CERS6: variants seen among roughly 807,000 people sequenced by gnomAD.
CERS6 encodes ceramide synthase 6.
In CERS6, 26 loss-of-function variants were observed where a neutral mutation model predicts 56.8. The observed-to-expected ratio is 0.46, with a 90% CI of 0.34 to 0.63. The LOEUF (loss-of-function observed/expected upper bound fraction) is 0.63, where lower values mean the gene tolerates loss of function less well. CERS6 is among the 30% of genes least tolerant of loss of function. The pLI is 0.01. For missense variants in CERS6, 415 were observed against 467.5 expected, an observed-to-expected ratio of 0.89 and a Z score of 1.04; for synonymous variants, 164 against 173.3, an observed-to-expected ratio of 0.95 and a Z score of 0.42.
intron 4 of CERS6, among the ~76,000 whole-genome samples, chr2:168,680,220 C>A (rs1686176435): frequency 6.6e-6 from 1 of 152,106 alleles, no homozygotes; most frequent in Admixed American, 6.6e-5. Flanking sequence ...CTGGGGAGAG[C>A]AGGGGATGCT....
At chr2:168,724,228 C>T (rs1161896968) in intron 8 of CERS6, among the ~76,000 whole-genome samples, 2 of 151,310 alleles carry the variant, frequency 1.3e-5, no homozygotes, top group African/African-American at 4.9e-5. Context: ...TAAGACGGTG[C>T]GTCTGGAGTT....
intron 8 of CERS6, among the ~76,000 whole-genome samples, chr2:168,746,807 ATATATATATATAT>A (rs1684115787): frequency 3.4e-5 from 4 of 116,256 alleles, no homozygotes; most frequent in African/African-American, 1.0e-4. Flanking sequence ...ATATATATAT[ATATATATATATAT>A]AAAATCATCT....
At chr2:168,640,390 A>G (rs1242985019) in intron 4 of CERS6, among the ~76,000 whole-genome samples, 1 of 152,220 alleles carries the variant, frequency 6.6e-6, no homozygotes, top group Non-Finnish European at 1.5e-5. Flanking sequence ...GGCTATTTCC[A>G]AAGAGCTTCT....
chr2:168,591,396 TA>T (rs1683667168), intron 3 of CERS6, among the ~76,000 whole-genome samples: 1 of 152,226 alleles, frequency 6.6e-6, no homozygotes, highest in Non-Finnish European at 1.5e-5. Flanking sequence ...GAGAGTTTGA[TA>T]GCCAAATTGA....
At chr2:168,494,074 G>A (rs1301761778) in intron 1 of CERS6, among the ~76,000 whole-genome samples, 3 of 152,082 alleles carry the variant, frequency 2.0e-5, no homozygotes, top group Non-Finnish European at 4.4e-5. Context: ...AGGAGGAATC[G>A]TCGAGGGCTC....
intron 3 of CERS6, among the ~76,000 whole-genome samples, chr2:168,565,134 C>G (rs1156764093): frequency 2.0e-5 from 3 of 151,976 alleles, no homozygotes; most frequent in Admixed American, 6.6e-5. Context: ...AATGGGATGG[C>G]AAAGGAGAAC....
Position 168,490,972 on chromosome 2 carries a change from T to C in CERS6, c.170+34354T>C, listed in dbSNP as rs937830064. 3.3e-5 allele frequency among the ~76,000 whole-genome samples: 5 copies of C among 152,302 alleles called. 1 individual carries two copies. In the South Asian group the frequency reaches 1.0e-3, roughly 32 times the overall value. On this transcript the variant is annotated intron_variant, in intron 1 of 9. Coordinates refer to ENST00000305747, the MANE Select transcript of CERS6 (RefSeq NM_203463.3). Reference sequence around the variant, plus strand: ...CTTCTTTTCACTGTTTTGTGAGATGTACTTTGTATTCATACTTTGGGGAGG... The same window carrying C: ...CTTCTTTTCACTGTTTTGTGAGATGCACTTTGTATTCATACTTTGGGGAGG...
intron 3 of CERS6, among the ~76,000 whole-genome samples, chr2:168,597,098 C>T (rs1463593168): frequency 2.0e-5 from 3 of 152,174 alleles, no homozygotes; most frequent in East Asian, 3.9e-4. Flanking sequence ...TTAGCTTTGT[C>T]GTGTCAGGCC....
chr2:168,768,860 G>A (rs1471150040), intron 9 of CERS6, among the ~76,000 whole-genome samples: 6 of 138,986 alleles, frequency 4.3e-5, no homozygotes, highest in South Asian at 2.2e-4. Flanking sequence ...GAGTTGGATC[G>A]CACCAGTGCA....
chr2:168,691,015 T>A lies in CERS6; in HGVS notation c.466-19T>A. 1 of 1,609,184 alleles carries A rather than the reference T, an allele frequency of 6.2e-7. No homozygotes were observed. The highest frequency in any genetic ancestry group is 8.5e-7 in the Non-Finnish European group (1 of 1,175,718). ...CCATGTTCTAAAATATGTAAAATAT[T>A]TTTTGTCATTTTTTTCAGACCCCCT... On this transcript the variant is annotated intron_variant, in intron 4 of 9. Coordinates refer to ENST00000305747, the MANE Select transcript of CERS6 (RefSeq NM_203463.3).
At chr2:168,493,648 G>T (rs1466372922) in intron 1 of CERS6, among the ~76,000 whole-genome samples, 1 of 152,072 alleles carries the variant, frequency 6.6e-6, no homozygotes. Flanking sequence ...AACCATGATA[G>T]GAATCAATTT....
chr2:168,758,906 G>A (rs570609316), intron 8 of CERS6, among the ~76,000 whole-genome samples: 5 of 152,072 alleles, frequency 3.3e-5, no homozygotes, highest in East Asian at 1.9e-4. Flanking sequence ...GAATCGGTAC[G>A]GCCTTAAGTA....
chr2:168,603,107 T>C (rs1444536363), intron 3 of CERS6, among the ~76,000 whole-genome samples: 3 of 152,266 alleles, frequency 2.0e-5, no homozygotes, highest in Admixed American at 6.5e-5. Context: ...ATTACTCAGT[T>C]GCTGCTCCTT....
intron 3 of CERS6, among the ~76,000 whole-genome samples, chr2:168,567,018 G>A (rs1695896508): frequency 6.6e-6 from 1 of 152,112 alleles, no homozygotes; most frequent in African/African-American, 2.4e-5. Context: ...TAGAGAAATG[G>A]CATCTTTGTT....
intron 3 of CERS6, among the ~76,000 whole-genome samples, chr2:168,593,637 C>T (rs1477249390): frequency 3.9e-5 from 6 of 152,184 alleles, no homozygotes; most frequent in Admixed American, 3.3e-4. Flanking sequence ...TGTTATAAGC[C>T]GTTTAACTGT....
intron 8 of CERS6, among the ~76,000 whole-genome samples, chr2:168,723,189 C>T (rs1482220413): frequency 6.6e-6 from 1 of 152,142 alleles, no homozygotes; most frequent in Non-Finnish European, 1.5e-5. Context: ...GGGGAAGAGA[C>T]TTTTGTTGTC....
chr2:168,723,551 G>GT (rs1200808914), intron 8 of CERS6, among the ~76,000 whole-genome samples: 2 of 110,142 alleles, frequency 1.8e-5, no homozygotes, highest in Non-Finnish European at 4.1e-5. Context: ...GAATTTTATT[G>GT]TATCAAATCA....
intron 8 of CERS6, among the ~76,000 whole-genome samples, chr2:168,750,180 T>C (rs1300787886): frequency 6.6e-6 from 1 of 152,212 alleles, no homozygotes; most frequent in Non-Finnish European, 1.5e-5. Context: ...CCTTCTACCT[T>C]GCATCCAGCC....
At chr2:168,750,768 A>G (rs772465344) in intron 8 of CERS6, among the ~76,000 whole-genome samples, 5 of 152,204 alleles carry the variant, frequency 3.3e-5, no homozygotes, top group Non-Finnish European at 1.5e-5. Context: ...AAATGTTTGC[A>G]AAGAGGATCA....
Sources: allele counts gnomAD v4.1 joint callset (sites outside exome capture counted in the v4.1 genomes callset), GRCh38; gene constraint gnomAD v4.1.1; transcripts MANE v1.5; gene names NCBI Gene and HGNC (gene_info 2026-07-23, HGNC 2026-07-21).